The following CLEC16A variants were observed in gnomAD, a reference collection of about 807,000 sequenced individuals.
CLEC16A encodes protein CLEC16A.
Under a neutral mutation model 109.5 loss-of-function variants are expected in CLEC16A, and 51 were observed. That is an observed-to-expected ratio of 0.47 (90% confidence interval 0.37 to 0.59). The LOEUF (loss-of-function observed/expected upper bound fraction) is 0.59, where lower values mean the gene tolerates loss of function less well. CLEC16A is among the 20% of genes least tolerant of loss of function. The pLI is 0.00. For synonymous variants in CLEC16A, 673 were observed against 564.2 expected, an observed-to-expected ratio of 1.19 and a Z score of -2.73; for missense variants, 1,339 against 1,394.0, an observed-to-expected ratio of 0.96 and a Z score of 0.63.
In CLEC16A at chr16:11,179,563, C is replaced by T. The variant is rs560681126; in HGVS notation, c.*873C>T. Reference sequence around the variant, plus strand: ...CAGCTCCCCACTCAGGACGCTTCCTCATTTCTCTTCACCAAAACCAAACAG... The same window carrying T: ...CAGCTCCCCACTCAGGACGCTTCCTTATTTCTCTTCACCAAAACCAAACAG... On this transcript the variant is annotated 3_prime_UTR_variant, in exon 24 of 24. Transcript: ENST00000409790. 2 of 152,332 alleles carry T rather than the reference C, an allele frequency of 1.3e-5. No individual in the cohort carries two copies. The highest frequency in any genetic ancestry group is 6.5e-5 in the Admixed American group (1 of 15,302). 9.4% of individuals were successfully genotyped at this position (152,332 alleles called of 1,614,324 possible).
At chr16:11,104,792 T>C (rs2152990397) in intron 19 of CLEC16A, among the ~76,000 whole-genome samples, 1 of 152,278 alleles carries the variant, frequency 6.6e-6, no homozygotes, top group East Asian at 1.9e-4. Flanking sequence ...GCATCTGCCT[T>C]CTTCATCCCT....
intron 19 of CLEC16A, among the ~76,000 whole-genome samples, chr16:11,111,936 C>G (rs558942983): frequency 3.3e-5 from 5 of 152,336 alleles, no homozygotes; most frequent in East Asian, 1.9e-4. Context: ...AATTTACTCT[C>G]GCATGTGCGT....
intron 11 of CLEC16A, among the ~76,000 whole-genome samples, chr16:11,006,230 G>A (rs2045000665): frequency 1.3e-5 from 2 of 152,150 alleles, no homozygotes; most frequent in Non-Finnish European, 1.5e-5. Flanking sequence ...CCCACCCCCA[G>A]AGATATTCTG....
chr16:11,175,399 G>A (rs2068706197), intron 23 of CLEC16A, among the ~76,000 whole-genome samples: 3 of 152,224 alleles, frequency 2.0e-5, no homozygotes, highest in African/African-American at 4.8e-5. Flanking sequence ...TCCTGAGCCT[G>A]GCCTCAACTT....
chr16:11,134,436 G>C (rs1193008698), intron 22 of CLEC16A, among the ~76,000 whole-genome samples: 1 of 152,124 alleles, frequency 6.6e-6, no homozygotes, highest in African/African-American at 2.4e-5. Context: ...ATAGGAAACT[G>C]AGGCTCAAAG....
rs1160460756 is a variant in CLEC16A, at chr16:11,178,200, C to T, written c.2807-135C>T. The T allele has an allele frequency of 1.1e-5, 8 of 724,398 alleles. No homozygotes were observed. Among genetic ancestry groups the T allele is most frequent in the African/African-American group, 3.5e-5 (2 of 56,538 alleles). 44.9% of individuals were successfully genotyped at this position (724,398 alleles called of 1,614,324 possible). ...TCCCCAAAAGGAGTGAGTGGAGCCA[C>T]GCTGAGCCCTCACGCCAGCCAGCCA... On this transcript the variant is annotated intron_variant, in intron 23 of 23. Coordinates refer to ENST00000409790, the MANE Select transcript of CLEC16A (RefSeq NM_015226.3). This position sits in a 1 kb window ranked among gnomAD's most constrained non-coding sequence, Gnocchi z 6.5.
At chr16:10,977,143 A>T in intron 7 of CLEC16A, 82 bp from the exon 8 acceptor site, 4 of 1,275,146 alleles carry the variant, frequency 3.1e-6, no homozygotes, top group Non-Finnish European at 4.4e-6. Flanking sequence ...ACTCACAGTG[A>T]CCTAAGTCTC....
intron 13 of CLEC16A, among the ~76,000 whole-genome samples, chr16:11,038,218 G>C (rs989302314): frequency 6.6e-6 from 1 of 152,158 alleles, no homozygotes; most frequent in Non-Finnish European, 1.5e-5. Context: ...TTAGAATCCA[G>C]ACAATCATCT....
At chr16:11,016,999 G>GC (rs1315657029) in intron 11 of CLEC16A, among the ~76,000 whole-genome samples, 2 of 120,832 alleles carry the variant, frequency 1.7e-5, no homozygotes, top group Admixed American at 1.7e-4. Flanking sequence ...GAATATCGGG[G>GC]CGGGGGGGGG....
chr16:11,155,878 T>C (rs930792443), intron 22 of CLEC16A, among the ~76,000 whole-genome samples: 2 of 152,198 alleles, frequency 1.3e-5, no homozygotes, highest in Non-Finnish European at 2.9e-5. Flanking sequence ...ATACTAAGTA[T>C]GTGTCAACGG....
chr16:11,150,402 G>A (rs78763064), intron 22 of CLEC16A: 6 of 152,252 alleles, frequency 3.9e-5, no homozygotes, highest in Middle Eastern at 3.4e-3. Context: ...TCCTTTTCAC[G>A]GCTGCATAGT....
chr16:11,120,832 A>ACC, intron 20 of CLEC16A, 66 bp downstream of exon 20: 5 of 1,209,482 alleles, frequency 4.1e-6, no homozygotes, highest in Non-Finnish European at 5.5e-6. Context: ...ACACACACAC[A>ACC]CACACACCAC....
intron 3 of CLEC16A, among the ~76,000 whole-genome samples, chr16:10,966,769 G>A (rs781705122): frequency 6.6e-6 from 1 of 152,172 alleles, no homozygotes. Context: ...ACTATCACGA[G>A]AACAGGATGG....
chr16:10,953,695 G>A (rs903185894), intron 1 of CLEC16A, among the ~76,000 whole-genome samples: 1 of 152,226 alleles, frequency 6.6e-6, no homozygotes, highest in African/African-American at 2.4e-5. Flanking sequence ...AAAATGGGCA[G>A]GCTAGGCGCG....
intron 22 of CLEC16A, among the ~76,000 whole-genome samples, chr16:11,161,313 G>C (rs971879813): frequency 2.6e-5 from 4 of 152,210 alleles, no homozygotes; most frequent in Admixed American, 2.6e-4. Context: ...GGAGAGAATA[G>C]TTAACCCTAC....
rs1446637593 is a variant in CLEC16A at position 11,178,619 on chromosome 16, G to A, written c.3091G>A (p.Ala1031Thr). 2 of 1,599,620 alleles carry A rather than the reference G, an allele frequency of 1.3e-6. No individual in the cohort carries two copies. The highest frequency in any genetic ancestry group is 2.2e-5 in the East Asian group (1 of 44,614). The change falls in exon 24 of 24, where the codon GCT (alanine) becomes ACT (threonine). Residue 1031 changes from alanine (A) to threonine (T), a missense_variant. Ala to Thr is a moderately conservative substitution (Grantham distance 58). This residue lies in a region of CLEC16A where 1,061 missense variants were observed against 1,006.8 expected (regional missense o/e 1.05). Transcript: ENST00000409790. The surrounding 1 kb of genome is among the most constrained non-coding windows in gnomAD (Gnocchi z 6.5). ...CGGCATGCCCCCGCTGTCCACGCCG[G>A]CTGCCGCCTGCACAGAGCCCGTGGG... ...LTGMPPLSTP[A>T]AACTEPVGEE...
intron 10 of CLEC16A, among the ~76,000 whole-genome samples, chr16:10,990,227 T>TA (rs1347156214): frequency 3.3e-5 from 5 of 152,240 alleles, no homozygotes; most frequent in African/African-American, 1.2e-4. Flanking sequence ...GTCTATCCCC[T>TA]AATCCCTCAC....
At chr16:11,111,144 T>A (rs1466552061) in intron 19 of CLEC16A, among the ~76,000 whole-genome samples, 1 of 152,206 alleles carries the variant, frequency 6.6e-6, no homozygotes, top group Non-Finnish European at 1.5e-5. Flanking sequence ...TGTGCCTGGA[T>A]GTAGCACTAA....
chr16:10,970,908 G>A (rs949081463), intron 4 of CLEC16A, among the ~76,000 whole-genome samples: 14 of 151,468 alleles, frequency 9.2e-5, no homozygotes, highest in Admixed American at 7.2e-4. Context: ...ACCACCACAC[G>A]GACTTGGACT....
Sources: gnomAD v4.1 joint callset for allele counts (sites outside exome capture counted in the v4.1 genomes callset) on GRCh38, gnomAD v4.1.1 for gene constraint, gnomAD v4.1.1 regional missense constraint, Gnocchi (gnomAD v3.1) non-coding constraint, MANE v1.5 for transcripts, NCBI Gene and HGNC (gene_info 2026-07-23, HGNC 2026-07-21) for gene names.